Variants in MYO1B observed in about 807,000 individuals in gnomAD.
MYO1B encodes unconventional myosin-Ib.
MYO1B carries 72 observed loss-of-function variants against 159.7 expected under a neutral mutation model. The ratio of observed to expected loss-of-function variants is 0.45; its 90% confidence interval spans 0.37 to 0.55. The LOEUF is 0.55. Among genes scored for constraint, MYO1B ranks in the 20% least tolerant of loss-of-function variants. The pLI is 0.00. For synonymous variants in MYO1B, 468 were observed against 473.8 expected, an observed-to-expected ratio of 0.99 and a Z score of 0.16; for missense variants, 1,062 against 1,364.8, an observed-to-expected ratio of 0.78 and a Z score of 3.50.
chr2:191,376,275 T>A (rs1694705183), intron 13 of MYO1B, among the ~76,000 whole-genome samples: 1 of 152,224 alleles, frequency 6.6e-6, no homozygotes, highest in African/African-American at 2.4e-5. Context: ...TAAATGGTTT[T>A]CTCATATATT....
At chr2:191,308,822 T>G (rs1052295797) in intron 3 of MYO1B, among the ~76,000 whole-genome samples, 1 of 152,234 alleles carries the variant, frequency 6.6e-6, no homozygotes, top group African/African-American at 2.4e-5. Context: ...TCTTCCTTTA[T>G]CAGCAACATT....
intron 9 of MYO1B, among the ~76,000 whole-genome samples, chr2:191,363,258 G>A (rs1693787350): frequency 6.6e-6 from 1 of 152,126 alleles, no homozygotes; most frequent in South Asian, 2.1e-4. Flanking sequence ...GCACGTAATT[G>A]GCACTCCGTA....
intron 1 of MYO1B, among the ~76,000 whole-genome samples, chr2:191,276,335 T>C (rs918722555): frequency 2.0e-5 from 3 of 152,228 alleles, no homozygotes; most frequent in Non-Finnish European, 4.4e-5. Context: ...CATAGCAAGT[T>C]TCATAATCTC....
intron 19 of MYO1B, 28 bp from the exon 20 acceptor site, chr2:191,393,045 G>A: frequency 6.3e-7 from 1 of 1,595,010 alleles, no homozygotes; most frequent in Non-Finnish European, 8.6e-7. Context: ...GAGGATTTTT[G>A]ATAAGTCCAT....
chr2:191,284,886 G>A (rs1218651238), intron 2 of MYO1B, among the ~76,000 whole-genome samples: 15 of 152,004 alleles, frequency 9.9e-5, no homozygotes, highest in South Asian at 2.1e-4. Flanking sequence ...CACCAGCCTC[G>A]GCCTCCGAAA....
At chr2:191,406,639 C>G (rs1696931716) in intron 24 of MYO1B, among the ~76,000 whole-genome samples, 1 of 152,162 alleles carries the variant, frequency 6.6e-6, no homozygotes. Flanking sequence ...AGAATACACA[C>G]ACTGTCTCTT....
chr2:191,276,517 G>A (rs768338509), intron 1 of MYO1B, among the ~76,000 whole-genome samples: 22 of 152,288 alleles, frequency 1.4e-4, no homozygotes, highest in East Asian at 3.9e-4. Flanking sequence ...GGTTCATATA[G>A]TCTGACATTG....
At chr2:191,268,852 A>C (rs1449708311) in intron 1 of MYO1B, among the ~76,000 whole-genome samples, 1 of 152,142 alleles carries the variant, frequency 6.6e-6, no homozygotes, top group Non-Finnish European at 1.5e-5. Flanking sequence ...CCCACCACTC[A>C]GTTAGCTGTG....
chr2:191,297,175 G>A (rs914388075), intron 3 of MYO1B, among the ~76,000 whole-genome samples: 8 of 152,038 alleles, frequency 5.3e-5, no homozygotes, highest in African/African-American at 1.9e-4. Context: ...TGCTAAGTTG[G>A]GCCAAGTCAT....
intron 1 of MYO1B, among the ~76,000 whole-genome samples, chr2:191,267,627 T>G (rs1170263411): frequency 1.3e-5 from 2 of 152,204 alleles, no homozygotes; most frequent in Admixed American, 1.3e-4. Context: ...CACAAATGCA[T>G]GTCGGGGCAC....
intron 4 of MYO1B, among the ~76,000 whole-genome samples, chr2:191,337,660 C>T (rs952521546): frequency 9.2e-5 from 14 of 151,936 alleles, no homozygotes; most frequent in South Asian, 4.2e-4. Flanking sequence ...TATATATGTA[C>T]GTAAGTTTAC....
intron 17 of MYO1B, 43 bp from the exon 18 acceptor site, chr2:191,390,249 C>T: frequency 6.4e-7 from 1 of 1,551,732 alleles, no homozygotes; most frequent in Non-Finnish European, 8.8e-7. Context: ...CAATTATATC[C>T]ATAGGAGGCA....
chr2:191,364,802 C>A lies in MYO1B; in HGVS notation c.1032+526C>A, dbSNP rs1464375233. ...CGCAGTGGAGTCAGTGAGAAGTGGT[C>A]ACATTGTGGATATTATTAGAGGGTA... On this transcript the variant is annotated intron_variant, in intron 11 of 30. Transcript: ENST00000392318. Among the ~76,000 whole-genome samples, 3 of 150,410 alleles carry A rather than the reference C, an allele frequency of 2.0e-5. No homozygotes were observed. The East Asian group carries it at 5.8e-4, about 29-fold the overall frequency.
At chr2:191,277,139 A>C in intron 2 of MYO1B, 109 bp downstream of exon 2, 1 of 1,371,706 alleles carries the variant, frequency 7.3e-7, no homozygotes, top group Non-Finnish European at 1.0e-6. Context: ...GTTTGAGTCC[A>C]GCAGTATTTG....
At chr2:191,256,543 C>T (rs1202770107) in intron 1 of MYO1B, among the ~76,000 whole-genome samples, 1 of 152,034 alleles carries the variant, frequency 6.6e-6, no homozygotes, top group Non-Finnish European at 1.5e-5. Flanking sequence ...GGATTTCATA[C>T]GAGGGACCCC....
intron 6 of MYO1B, 22 bp from the exon 7 acceptor site, chr2:191,350,140 T>G (rs1257184771): frequency 6.2e-7 from 1 of 1,608,534 alleles, no homozygotes; most frequent in Non-Finnish European, 8.5e-7. Flanking sequence ...ACTAGAAAAC[T>G]CACAAAATCT....
At chr2:191,281,548 C>G (rs533400847) in intron 2 of MYO1B, among the ~76,000 whole-genome samples, 4 of 152,146 alleles carry the variant, frequency 2.6e-5, no homozygotes, top group Non-Finnish European at 5.9e-5. Flanking sequence ...GACCTTCTTC[C>G]GGCCTCCCCT....
At chr2:191,344,951 C>T (rs1235942514) in intron 5 of MYO1B, among the ~76,000 whole-genome samples, 6 of 152,134 alleles carry the variant, frequency 3.9e-5, no homozygotes, top group Non-Finnish European at 7.4e-5. Context: ...CACCCTCTCT[C>T]CTTGATCAGA....
intron 7 of MYO1B, among the ~76,000 whole-genome samples, chr2:191,351,449 A>G (rs1424754185): frequency 2.2e-5 from 3 of 137,374 alleles, no homozygotes; most frequent in South Asian, 2.5e-4. Flanking sequence ...TGGTCAAACT[A>G]TGCAGCTGAT....
Sources: gnomAD v4.1 joint callset for allele counts (sites outside exome capture counted in the v4.1 genomes callset) on GRCh38, gnomAD v4.1.1 for gene constraint, MANE v1.5 for transcripts, NCBI Gene and HGNC (gene_info 2026-07-23, HGNC 2026-07-21) for gene names.